Variants in DSG3 observed in about 807,000 individuals in gnomAD.
DSG3 encodes the protein desmoglein-3.
A neutral mutation model predicts 85.9 loss-of-function variants in DSG3; 63 were observed. That is an observed-to-expected ratio of 0.73 (90% confidence interval 0.60 to 0.90). The LOEUF (loss-of-function observed/expected upper bound fraction) is 0.90, where lower values mean the gene tolerates loss of function less well. Among genes scored for constraint, DSG3 ranks in the 40% least tolerant of loss-of-function variants. DSG3 has a pLI of 0.00. For missense variants in DSG3, 1,220 were observed against 1,219.9 expected (o/e 1.00, Z 0.00); for synonymous variants, 447 against 441.9 (o/e 1.01, Z -0.14).
rs556499668 is a variant in DSG3, at chr18:31,449,546, T to C, written c.48+1621T>C. ...CTGGAGTGACTGTGACATCCTTATATTGAGGCTAATTTTTATTTTTATATT... is the reference window on the plus strand; with the variant it reads ...CTGGAGTGACTGTGACATCCTTATACTGAGGCTAATTTTTATTTTTATATT... On this transcript the variant is annotated intron_variant, in intron 1 of 15. Transcript: ENST00000257189. Among the ~76,000 whole-genome samples, 10 of 152,346 alleles carry C rather than the reference T, an allele frequency of 6.6e-5. No homozygotes were observed. The East Asian group carries it at 1.9e-3, about 29-fold the overall frequency.
chr18:31,450,730 C>T (rs570539714), intron 1 of DSG3, among the ~76,000 whole-genome samples: 237 of 152,224 alleles, frequency 1.6e-3, no homozygotes, highest in African/African-American at 5.5e-3. Flanking sequence ...GAATCACACC[C>T]CACCCCCTGC....
chr18:31,459,694 G>T, intron 5 of DSG3, 151 bp from the exon 6 acceptor site: 1 of 700,496 alleles, frequency 1.4e-6, no homozygotes, highest in East Asian at 2.7e-5. Context: ...GACAGAAAGA[G>T]GTATCACAAG....
chr18:31,471,270 A>T (rs917323884), intron 12 of DSG3, among the ~76,000 whole-genome samples: 4 of 152,166 alleles, frequency 2.6e-5, no homozygotes, highest in African/African-American at 9.7e-5. Flanking sequence ...GTTGAAACTT[A>T]AACCCTAAAA....
intron 14 of DSG3, among the ~76,000 whole-genome samples, chr18:31,473,668 A>G (rs2072868883): frequency 6.6e-6 from 1 of 152,230 alleles, no homozygotes; most frequent in African/African-American, 2.4e-5. Flanking sequence ...CTGAATAGTC[A>G]TGATTTGTTA....
intron 11 of DSG3, 21 bp from the exon 12 acceptor site, chr18:31,469,068 T>C (rs1226366840): frequency 6.2e-7 from 1 of 1,608,862 alleles, no homozygotes; most frequent in Middle Eastern, 1.7e-4. Flanking sequence ...ACTGTTGATT[T>C]GCATGATTCT....
At chr18:31,470,835 G>A (rs2072851046) in intron 12 of DSG3, among the ~76,000 whole-genome samples, 1 of 152,172 alleles carries the variant, frequency 6.6e-6, no homozygotes, top group South Asian at 2.1e-4. Flanking sequence ...TTCTGTTTTA[G>A]GAATCACACA....
intron 5 of DSG3, 88 bp from the exon 6 acceptor site, chr18:31,459,757 C>A: frequency 1.6e-6 from 2 of 1,268,768 alleles, no homozygotes; most frequent in Non-Finnish European, 1.1e-6. Flanking sequence ...TAAAAATTAG[C>A]ATCAATGTGA....
At position 31,464,305 on chromosome 18, in the gene DSG3, C is replaced by A; in HGVS notation, c.1194C>A (p.Ser398Arg). 1.9e-6 allele frequency: 3 copies of A among 1,613,852 alleles called. No homozygotes were observed. Among genetic ancestry groups the A allele is most frequent in the Non-Finnish European group, 2.5e-6 (3 of 1,179,898 alleles). Residue 398 changes from serine (S) to arginine (R), a missense_variant, in exon 9 of 16, where the codon AGC (serine) becomes AGA (arginine). Coordinates refer to ENST00000257189, the MANE Select transcript of DSG3 (RefSeq NM_001944.3). ...TTACTGTGCAAAAAGGCATAAGTAG[C>A]AAAAAATTGGTGGATTATATCCTGG... ...KTFTVQKGIS[S>R]KKLVDYILGT...
At chr18:31,465,278 C>A in intron 9 of DSG3, 40 bp from the exon 10 acceptor site, 2 of 1,320,494 alleles carry the variant, frequency 1.5e-6, no homozygotes, top group Non-Finnish European at 9.8e-7. Flanking sequence ...TAACATTCCA[C>A]ATTTGAAAGA....
intron 3 of DSG3, among the ~76,000 whole-genome samples, chr18:31,457,545 TTC>T (rs149979781): frequency 0.074 from 9,765 of 132,186 alleles, 780 homozygotes; most frequent in African/African-American, 0.22. Flanking sequence ...CTTTCTTTCT[TTC>T]TCTTTCTTTC....
chr18:31,454,378 C>T (rs574892831), intron 1 of DSG3, among the ~76,000 whole-genome samples: 1 of 152,280 alleles, frequency 6.6e-6, no homozygotes, highest in African/African-American at 2.4e-5. Context: ...TTAAAAAGAG[C>T]AACAATGTTG....
At chr18:31,461,476 C>T in intron 8 of DSG3, 64 bp downstream of exon 8, 2 of 1,345,440 alleles carry the variant, frequency 1.5e-6, no homozygotes, top group South Asian at 1.3e-5. Flanking sequence ...ATCATTTCTA[C>T]AGATAAAATG....
In DSG3 at chr18:31,465,329, G is replaced by A. The variant is rs182644997; in HGVS notation, c.1283G>A (p.Gly428Glu). The change falls in exon 10 of 16, where the codon GGA becomes GAA. Residue 428 changes from glycine (G) to glutamate (E), a missense_variant. Coordinates refer to ENST00000257189, the MANE Select transcript of DSG3 (RefSeq NM_001944.3). The stretch of plus-strand genomic sequence containing the variant: ...ATATTATGAAACAGATATGTCATGG[G>A]ACGTAACGATGGTGGATACCTAATG... ...KAASNVKYVM[G>E]RNDGGYLMID... 2.3e-5 allele frequency: 34 copies of A among 1,470,284 alleles called. No individual in the cohort carries two copies. In the East Asian group the frequency reaches 7.1e-4, roughly 31 times the overall value. The allele number at this position is 1,470,284 out of a possible 1,614,324, so 91.1% of individuals were successfully genotyped here.
At chr18:31,460,804 AT>A in intron 6 of DSG3, 28 bp from the exon 7 acceptor site, 1 of 1,545,770 alleles carries the variant, frequency 6.5e-7, no homozygotes. Flanking sequence ...GGGATTAATT[AT>A]TTTTCTTTAT....
chr18:31,465,476 T>C lies in DSG3; in HGVS notation c.1411+19T>C. 7.0e-7 allele frequency: 1 copy of C among 1,436,502 alleles called. No homozygotes were observed. The highest frequency in any genetic ancestry group is 1.7e-5 in the South Asian group (1 of 57,464). 89.0% of individuals were successfully genotyped at this position (1,436,502 alleles called of 1,614,324 possible). Reference sequence around the variant, plus strand: ...ATAGATGGTAAGAAAAATATTTGAATCATTTCAGAGGAATGTTATCGTAAT... The same window carrying C: ...ATAGATGGTAAGAAAAATATTTGAACCATTTCAGAGGAATGTTATCGTAAT... On this transcript the variant is annotated intron_variant, in intron 10 of 15. Coordinates refer to ENST00000257189, the MANE Select transcript of DSG3 (RefSeq NM_001944.3).
chr18:31,459,177 AG>A lies in DSG3; in HGVS notation c.517+1del. The A allele has an allele frequency of 1.9e-6, 3 of 1,611,502 alleles. No homozygotes were observed. Among genetic ancestry groups the A allele is most frequent in the Non-Finnish European group, 2.5e-6 (3 of 1,179,650 alleles). ...TGAAATTGAAGAAAATAGTGCCTCA[AG>A]TAAGTCTTTTACAGTACTTACCACT... is the stretch of plus-strand genomic sequence containing the variant. On this transcript the variant is annotated splice_donor_variant, in intron 5 of 15. Transcript: ENST00000257189. LOFTEE classifies it high-confidence loss of function.
chr18:31,476,250 G>A lies in DSG3; in HGVS notation c.2990G>A (p.Arg997His), dbSNP rs749983111. Reference protein sequence around the residue: ...TMLCTEDPCSRLI With the variant: ...TMLCTEDPCSHLI ...CTCTGTACAGAGGATCCTTGCTCCC[G>A]TCTAATATGACCAGAATGAGCTGGA... Residue 997 changes from arginine to histidine, a missense_variant, in exon 16 of 16, where the codon CGT (arginine) becomes CAT (histidine). Physicochemically the swap from Arg to His is conservative, Grantham distance 29 (BLOSUM62 0). Coordinates refer to ENST00000257189, the MANE Select transcript of DSG3 (RefSeq NM_001944.3). 1.8e-4 allele frequency: 283 copies of A among 1,607,134 alleles called. 1 individual carries two copies. The highest frequency in any genetic ancestry group is 2.3e-4 in the Non-Finnish European group (274 of 1,176,232).
At chr18:31,473,231 CCTT>C (rs1434345919) in intron 14 of DSG3, among the ~76,000 whole-genome samples, 1 of 152,138 alleles carries the variant, frequency 6.6e-6, no homozygotes, top group Non-Finnish European at 1.5e-5. Flanking sequence ...ATCCTGTTCC[CCTT>C]CTTTCTTCCC....
At chr18:31,454,189 G>C (rs1428777864) in intron 1 of DSG3, among the ~76,000 whole-genome samples, 1 of 152,052 alleles carries the variant, frequency 6.6e-6, no homozygotes, top group African/African-American at 2.4e-5. Flanking sequence ...TTCTCTGTAG[G>C]GCTAGTCCAA....
Sources: gnomAD v4.1 joint callset for allele counts (sites outside exome capture counted in the v4.1 genomes callset) on GRCh38, gnomAD v4.1.1 for gene constraint, MANE v1.5 for transcripts, NCBI Gene and HGNC (gene_info 2026-07-23, HGNC 2026-07-21) for gene names.